The following TRAF6 variants were observed in gnomAD, a reference collection of about 807,000 sequenced individuals.
The protein encoded by TRAF6 is TNF receptor-associated factor 6.
A neutral mutation model predicts 48.4 loss-of-function variants in TRAF6; 10 were observed. The observed-to-expected ratio is 0.21, with a 90% CI of 0.13 to 0.35. TRAF6 has a LOEUF of 0.35. Among genes scored for constraint, TRAF6 ranks in the 10% least tolerant of loss-of-function variants. The pLI, the probability that TRAF6 is intolerant of heterozygous loss-of-function variation, is 1.00. For synonymous variants in TRAF6, 186 were observed against 219.6 expected (o/e 0.85, Z 1.35); for missense variants, 397 against 661.0 (o/e 0.60, Z 4.38).
chr11:36,502,640 C>T (rs1859732855), intron 1 of TRAF6, among the ~76,000 whole-genome samples: 1 of 151,946 alleles, frequency 6.6e-6, no homozygotes, highest in Non-Finnish European at 1.5e-5. Context: ...CTACAAATAC[C>T]TTTTTATTCT....
In TRAF6 at chr11:36,487,834, G is replaced by C. The variant is rs1005879844; in HGVS notation, c.*2004C>G. The C allele has an allele frequency of 6.6e-6, 1 of 152,134 alleles. No individual in the cohort carries two copies. The highest frequency in any genetic ancestry group is 1.5e-5 in the Non-Finnish European group (1 of 68,022). 9.4% of individuals were successfully genotyped at this position (152,134 alleles called of 1,614,324 possible). ...CTTTTAATAGAAATCTGACCAGGAA[G>C]CTTTTAAATATCATTTCCTTTTTTG... On this transcript the variant is annotated 3_prime_UTR_variant, in exon 7 of 7. Transcript: ENST00000526995.
Position 36,488,638 on chromosome 11 carries a change from C to A in TRAF6, c.*1200G>T, listed in dbSNP as rs993394744. 3 of 152,130 alleles carry A rather than the reference C, an allele frequency of 2.0e-5. No individual in the cohort carries two copies. The highest frequency in any genetic ancestry group is 7.2e-5 in the African/African-American group (3 of 41,400). The allele number at this position is 152,130 out of a possible 1,614,324, so 9.4% of individuals were successfully genotyped here. On this transcript the variant is annotated 3_prime_UTR_variant, in exon 7 of 7. Transcript: ENST00000526995. The stretch of plus-strand genomic sequence containing the variant: ...ATGATGGCACACAAAAAAATCATCT[C>A]CCTATTAGGAAAATCTGGTTACTTC...
At chr11:36,509,200 A>G (rs1266569537) in intron 1 of TRAF6, among the ~76,000 whole-genome samples, 4 of 152,234 alleles carry the variant, frequency 2.6e-5, no homozygotes, top group Non-Finnish European at 4.4e-5. Flanking sequence ...CAAGACATTC[A>G]GTAATAGTAA....
intron 2 of TRAF6, among the ~76,000 whole-genome samples, chr11:36,500,525 CCA>C: frequency 6.6e-6 from 1 of 152,234 alleles, no homozygotes; most frequent in East Asian, 1.9e-4. Flanking sequence ...GCTTTTACTC[CCA>C]GATACCCTGC....
chr11:36,493,626 TGA>T (rs1859591902), intron 5 of TRAF6, among the ~76,000 whole-genome samples: 1 of 152,132 alleles, frequency 6.6e-6, no homozygotes, highest in South Asian at 2.1e-4. Context: ...TTGTTAAAGA[TGA>T]GAGGGCACAG....
chr11:36,501,791 G>C (rs1859719935), intron 1 of TRAF6: 1 of 247,496 alleles, frequency 4.0e-6, no homozygotes. Context: ...AGAAAGCTGG[G>C]TCCCTTCAGA....
intron 5 of TRAF6, 106 bp downstream of exon 5, chr11:36,494,870 T>G: frequency 1.3e-6 from 1 of 757,660 alleles, no homozygotes; most frequent in Non-Finnish European, 2.1e-6. Flanking sequence ...TAATACTTCT[T>G]CAATCTGTAT....
chr11:36,492,544 AC>A lies in TRAF6; in HGVS notation c.756+6del. 1 of 1,600,040 alleles carries A rather than the reference AC, an allele frequency of 6.2e-7. No homozygotes were observed. The highest frequency in any genetic ancestry group is 8.5e-7 in the Non-Finnish European group (1 of 1,174,568). ...TATTCAAGAATTAAAAGAAAAAAAA[AC>A]CTTACCTTTTCATGGCAACCAAAAG... On this transcript the variant is annotated splice_donor_region_variant and intron_variant, in intron 6 of 6. Transcript: ENST00000526995.
At chr11:36,496,061 CTA>C (rs1859627684) in intron 4 of TRAF6, among the ~76,000 whole-genome samples, 1 of 151,996 alleles carries the variant, frequency 6.6e-6, no homozygotes, top group African/African-American at 2.4e-5. Context: ...TTTATAAAAA[CTA>C]TAGTTTAAGG....
chr11:36,506,421 T>A (rs75950871), intron 1 of TRAF6, among the ~76,000 whole-genome samples: 1 of 149,776 alleles, frequency 6.7e-6, no homozygotes. Context: ...TCTTGAACCA[T>A]TTTTTTTTTA....
chr11:36,497,371 A>G, intron 3 of TRAF6, 105 bp from the exon 4 acceptor site: 1 of 1,078,368 alleles, frequency 9.3e-7, no homozygotes, highest in Admixed American at 3.0e-5. Flanking sequence ...TACTGAACCT[A>G]CTTTGTCTAA....
chr11:36,497,741 G>A (rs981868201), intron 3 of TRAF6, among the ~76,000 whole-genome samples: 11 of 151,994 alleles, frequency 7.2e-5, no homozygotes, highest in South Asian at 2.1e-4. Flanking sequence ...AACTATAGGC[G>A]TATTCCACTT....
intron 1 of TRAF6, among the ~76,000 whole-genome samples, chr11:36,502,893 A>G (rs1456951393): frequency 6.6e-6 from 1 of 152,232 alleles, no homozygotes; most frequent in Non-Finnish European, 1.5e-5. Flanking sequence ...AAATGTGTTA[A>G]TATGTGCAAA....
chr11:36,507,049 G>A (rs980817183), intron 1 of TRAF6, among the ~76,000 whole-genome samples: 10 of 150,686 alleles, frequency 6.6e-5, no homozygotes, highest in African/African-American at 2.4e-4. Flanking sequence ...ACTAAGAGAA[G>A]AACAAAAAGT....
At chr11:36,502,691 G>A (rs1859733548) in intron 1 of TRAF6, among the ~76,000 whole-genome samples, 1 of 152,118 alleles carries the variant, frequency 6.6e-6, no homozygotes, top group Non-Finnish European at 1.5e-5. Context: ...CGCCTACAAT[G>A]AGGTACTATT....
intron 1 of TRAF6, among the ~76,000 whole-genome samples, chr11:36,508,557 T>C (rs1467494233): frequency 6.6e-6 from 1 of 152,200 alleles, no homozygotes; most frequent in East Asian, 1.9e-4. Flanking sequence ...CAACAAGTTA[T>C]GTCTTAAATG....
At chr11:36,509,425 C>CT (rs879350395) in intron 1 of TRAF6, among the ~76,000 whole-genome samples, 218 of 145,022 alleles carry the variant, frequency 1.5e-3, no homozygotes, top group Admixed American at 2.8e-3. Flanking sequence ...TCATCTGAGC[C>CT]TTTTTTTTTT....
In TRAF6 at chr11:36,503,940, CCATA is replaced by C. The variant is rs5030431; in HGVS notation, c.-22-2407_-22-2404del. Among the ~76,000 whole-genome samples the C allele has an allele frequency of 5.4e-3, 819 of 152,132 alleles. 7 individuals carry two copies. The highest frequency in any genetic ancestry group is 0.019 in the African/African-American group (787 of 41,500). On this transcript the variant is annotated intron_variant, in intron 1 of 6. Coordinates refer to ENST00000526995, the MANE Select transcript of TRAF6 (RefSeq NM_004620.4). ...GCAAGTAATACAATTTTTTTGTTTC[CCATA>C]CAAAGTTATGTTTACACTATACAGT...
chr11:36,509,868 G>A (rs1330812600), intron 1 of TRAF6, among the ~76,000 whole-genome samples, 180 bp downstream of exon 1: 1 of 151,458 alleles, frequency 6.6e-6, no homozygotes, highest in African/African-American at 2.4e-5. Context: ...AGCGGGTAGG[G>A]GCGGCGTCCC....
Sources: allele counts gnomAD v4.1 joint callset (sites outside exome capture counted in the v4.1 genomes callset), GRCh38; gene constraint gnomAD v4.1.1; transcripts MANE v1.5; gene names NCBI Gene and HGNC (gene_info 2026-07-23, HGNC 2026-07-21).